Variants in UBR1 observed in about 807,000 individuals in gnomAD.
UBR1 encodes E3 ubiquitin-protein ligase UBR1.
UBR1 carries 102 observed loss-of-function variants against 242.1 expected under a neutral mutation model. The observed-to-expected ratio is 0.42, with a 90% CI of 0.36 to 0.50. UBR1 has a LOEUF of 0.50. Ranked by LOEUF, UBR1 falls within the 20% of genes least tolerant of loss-of-function variation. The pLI is 0.01. For missense variants in UBR1, 1,772 were observed against 2,101.8 expected (o/e 0.84, Z 3.07); for synonymous variants, 675 against 684.8 (o/e 0.99, Z 0.22).
intron 44 of UBR1, among the ~76,000 whole-genome samples, chr15:42,954,794 C>A (rs1347013179): frequency 6.6e-6 from 1 of 152,106 alleles, no homozygotes; most frequent in African/African-American, 2.4e-5. Context: ...GTCTCAAACT[C>A]TTGGCCTTTA....
chr15:43,002,510 T>C (rs1262127775), intron 32 of UBR1, 45 bp downstream of exon 32: 23 of 1,597,080 alleles, frequency 1.4e-5, no homozygotes, highest in Non-Finnish European at 1.8e-5. Context: ...CCACTGCACC[T>C]GGCCAACTTT....
chr15:42,999,424 A>G (rs1670136676), intron 32 of UBR1, among the ~76,000 whole-genome samples: 1 of 152,220 alleles, frequency 6.6e-6, no homozygotes, highest in South Asian at 2.1e-4. Context: ...CTACTGCTTT[A>G]GCTTTCTCAT....
intron 27 of UBR1, among the ~76,000 whole-genome samples, chr15:43,019,371 T>C (rs1273901865): frequency 6.6e-6 from 1 of 151,038 alleles, no homozygotes; most frequent in Non-Finnish European, 1.5e-5. Context: ...CCAATAATGA[T>C]ATTACATCAT....
At chr15:43,052,686 A>G (rs1452141440) in intron 12 of UBR1, among the ~76,000 whole-genome samples, 1 of 152,240 alleles carries the variant, frequency 6.6e-6, no homozygotes, top group Non-Finnish European at 1.5e-5. Flanking sequence ...TTAGTAAATA[A>G]ACATGTAGGG....
At chr15:42,998,317 G>C (rs762687989) in intron 32 of UBR1, 52 bp from the exon 33 acceptor site, 25 of 1,479,932 alleles carry the variant, frequency 1.7e-5, no homozygotes, top group Non-Finnish European at 2.3e-5. Flanking sequence ...AAGTCAAATG[G>C]AAAAGCTGAA....
At chr15:42,965,613 T>C (rs1381294675) in intron 41 of UBR1, among the ~76,000 whole-genome samples, 1 of 152,020 alleles carries the variant, frequency 6.6e-6, no homozygotes, top group Non-Finnish European at 1.5e-5. Flanking sequence ...ACAGGCAATA[T>C]GCCACCATGC....
At chr15:43,042,232 C>T (rs1364123746) in intron 15 of UBR1, among the ~76,000 whole-genome samples, 3 of 152,102 alleles carry the variant, frequency 2.0e-5, no homozygotes, top group Non-Finnish European at 4.4e-5. Flanking sequence ...CTTCTACATC[C>T]ATGTCATAAC....
chr15:43,042,255 A>G (rs1362215226), intron 15 of UBR1, among the ~76,000 whole-genome samples: 1 of 152,228 alleles, frequency 6.6e-6, no homozygotes, highest in African/African-American at 2.4e-5. Flanking sequence ...CACTATTCAT[A>G]ACAGCCAAAA....
chr15:43,070,073 T>C (rs1473009730), intron 5 of UBR1, among the ~76,000 whole-genome samples: 1 of 152,058 alleles, frequency 6.6e-6, no homozygotes, highest in African/African-American at 2.4e-5. Context: ...AATGACTATT[T>C]AGATTTGGGC....
In UBR1 at chr15:42,945,145, TGAAG is replaced by T; in HGVS notation, c.*180_*183del. On this transcript the variant is annotated 3_prime_UTR_variant, in exon 47 of 47. Coordinates refer to ENST00000290650, the MANE Select transcript of UBR1 (RefSeq NM_174916.3). ...GATTGATCTATGTCCTTTTTTCCTG[TGAAG>T]CATATGTTTGCTAATTGAAAGCAAT... is the stretch of plus-strand genomic sequence containing the variant. The T allele has an allele frequency of 4.1e-6, 3 of 730,972 alleles. No individual in the cohort carries two copies. Among genetic ancestry groups the T allele is most frequent in the East Asian group, 2.8e-5 (1 of 36,064 alleles). The allele number at this position is 730,972 out of a possible 1,614,324, so 45.3% of individuals were successfully genotyped here.
intron 29 of UBR1, among the ~76,000 whole-genome samples, chr15:43,010,958 C>G (rs1378554110): frequency 6.6e-6 from 1 of 151,928 alleles, no homozygotes; most frequent in Non-Finnish European, 1.5e-5. Context: ...CCACTGTACT[C>G]CAGTCTAGGC....
chr15:43,053,238 G>A (rs956363787), intron 12 of UBR1, among the ~76,000 whole-genome samples: 11 of 152,176 alleles, frequency 7.2e-5, no homozygotes, highest in Admixed American at 3.3e-4. Context: ...TATAAGGGTA[G>A]GTATTTAGGG....
chr15:42,963,022 A>G (rs1422919256), intron 42 of UBR1, among the ~76,000 whole-genome samples: 1 of 152,212 alleles, frequency 6.6e-6, no homozygotes, highest in Non-Finnish European at 1.5e-5. Context: ...ACTTGACTGA[A>G]CTAGAACAGC....
intron 12 of UBR1, 92 bp downstream of exon 12, chr15:43,054,649 TA>T: frequency 7.0e-7 from 1 of 1,425,666 alleles, no homozygotes; most frequent in Non-Finnish European, 9.9e-7. Context: ...GAATTCTGGA[TA>T]ACCAAAATGA....
At chr15:43,020,166 A>G (rs1567127898) in intron 27 of UBR1, among the ~76,000 whole-genome samples, 2 of 152,024 alleles carry the variant, frequency 1.3e-5, no homozygotes, top group African/African-American at 2.4e-5. Context: ...CAGCCTCCCA[A>G]GTAGCTAGGA....
At chr15:42,980,377 G>T (rs1330545751) in intron 37 of UBR1, among the ~76,000 whole-genome samples, 2 of 152,078 alleles carry the variant, frequency 1.3e-5, no homozygotes, top group Non-Finnish European at 2.9e-5. Context: ...GAAAATCATG[G>T]GCTTTATGGT....
chr15:43,044,929 T>C (rs2033465255), intron 14 of UBR1, among the ~76,000 whole-genome samples: 1 of 151,948 alleles, frequency 6.6e-6, no homozygotes, highest in Admixed American at 6.6e-5. Flanking sequence ...ATTCAGTAGC[T>C]TTAAAAGAAA....
At chr15:42,986,769 C>T (rs1307095966) in intron 35 of UBR1, among the ~76,000 whole-genome samples, 1 of 152,220 alleles carries the variant, frequency 6.6e-6, no homozygotes, top group Non-Finnish European at 1.5e-5. Flanking sequence ...ACATCCCCAC[C>T]CCCACAGCTC....
intron 37 of UBR1, among the ~76,000 whole-genome samples, chr15:42,982,853 C>A (rs115728222): frequency 6.6e-6 from 1 of 152,102 alleles, no homozygotes; most frequent in African/African-American, 2.4e-5. Context: ...GCTGAAACTA[C>A]CCTACTCGTG....
Sources: allele counts gnomAD v4.1 joint callset (sites outside exome capture counted in the v4.1 genomes callset), GRCh38; gene constraint gnomAD v4.1.1; transcripts MANE v1.5; gene names NCBI Gene and HGNC (gene_info 2026-07-23, HGNC 2026-07-21).